The following TRNT1 variants were observed in gnomAD, a reference collection of about 807,000 sequenced individuals.
TRNT1 encodes the protein CCA tRNA nucleotidyltransferase 1, mitochondrial.
In TRNT1, 44 loss-of-function variants were observed where a neutral mutation model predicts 45.6. The ratio of observed to expected loss-of-function variants is 0.97; its 90% CI spans 0.76 to 1.24. The LOEUF is 1.24. Ranked by LOEUF, TRNT1 falls within the 50% of genes most tolerant of loss-of-function variation. The pLI, the probability that TRNT1 is intolerant of heterozygous loss-of-function variation, is 0.00. For missense variants in TRNT1, 633 were observed against 504.4 expected (o/e 1.25, Z -2.44); for synonymous variants, 201 against 171.4 (o/e 1.17, Z -1.35).
chr3:3,148,226 T>C lies in TRNT1; in HGVS notation c.*72T>C. The C allele has an allele frequency of 2.0e-6, 3 of 1,527,002 alleles. No homozygotes were observed. Among genetic ancestry groups the C allele is most frequent in the Non-Finnish European group, 2.7e-6 (3 of 1,128,476 alleles). 94.6% of individuals were successfully genotyped at this position (1,527,002 alleles called of 1,614,324 possible). On this transcript the variant is annotated 3_prime_UTR_variant, in exon 8 of 8. Coordinates refer to ENST00000251607, the MANE Select transcript of TRNT1 (RefSeq NM_182916.3). The stretch of plus-strand genomic sequence containing the variant: ...TTCTCCCCTCCCTCTTAATGAGGTT[T>C]TAGAGACTACACCAGAATAAAAGAC...
intron 4 of TRNT1, among the ~76,000 whole-genome samples, chr3:3,141,438 A>G (rs1442109745): frequency 3.3e-5 from 5 of 152,220 alleles, no homozygotes; most frequent in Non-Finnish European, 7.3e-5. Flanking sequence ...ACAATGGTGA[A>G]TGACTTCAGC....
chr3:3,148,883 A>T lies in TRNT1; in HGVS notation c.*729A>T, dbSNP rs1706255480. 1.3e-5 allele frequency: 2 copies of T among 152,146 alleles called. No individual in the cohort carries two copies. Among genetic ancestry groups the T allele is most frequent in the Non-Finnish European group, 2.9e-5 (2 of 68,000 alleles). 9.4% of individuals were successfully genotyped at this position (152,146 alleles called of 1,614,324 possible). ...GTTTATGTGGTATCTGACAATGTGT[A>T]TTAGGTGTCATATACAATGGTAATA... is the stretch of plus-strand genomic sequence containing the variant. On this transcript the variant is annotated 3_prime_UTR_variant, in exon 8 of 8. Coordinates refer to ENST00000251607, the MANE Select transcript of TRNT1 (RefSeq NM_182916.3).
intron 1 of TRNT1, among the ~76,000 whole-genome samples, chr3:3,128,804 C>T (rs1019824765): frequency 6.6e-6 from 1 of 151,972 alleles, no homozygotes; most frequent in South Asian, 2.1e-4. Flanking sequence ...TAGTGAGACC[C>T]CGCCTGCCAC....
chr3:3,153,285 G>C (rs549905148), downstream of TRNT1: 1 of 614,386 alleles, frequency 1.6e-6, no homozygotes, highest in African/African-American at 1.9e-5. Context: ...CTTAGCAAAA[G>C]TGAGCTAATT....
At position 3,140,578 on chromosome 3, in the gene TRNT1, G is replaced by A. The variant is rs1705583697; in HGVS notation, c.411G>A (p.Glu137=). ...TCACCACTGATGGAAGACATGCTGA[G>A]GTAGAATTTACAACTGACTGGCAGA... ...IDVTTDGRHA[E]VEFTTDWQKD... is the part of the protein sequence containing the mutation. The change falls in exon 4 of 8, where the codon GAG becomes GAA. Residue 137 remains glutamate, a synonymous_variant. Coordinates refer to ENST00000251607, the MANE Select transcript of TRNT1 (RefSeq NM_182916.3). 3 of 1,614,020 alleles carry A rather than the reference G, an allele frequency of 1.9e-6. No homozygotes were observed. In the South Asian group the frequency reaches 3.3e-5, roughly 18 times the overall value.
rs376974085 is a variant in TRNT1, at chr3:3,146,488, A to G, written c.667A>G (p.Ile223Val). 2.4e-5 allele frequency: 38 copies of G among 1,613,916 alleles called. No individual in the cohort carries two copies. In the African/African-American group the frequency reaches 3.7e-4, roughly 16 times the overall value. The change falls in exon 6 of 8, where the codon ATT becomes GTT. Residue 223 changes from isoleucine to valine, a missense_variant. By Grantham distance (29) the Ile-to-Val change is conservative. Coordinates refer to ENST00000251607, the MANE Select transcript of TRNT1 (RefSeq NM_182916.3). Reference protein sequence around the residue: ...GDHDPETLEAIAENAKGLAGI... With the variant: ...GDHDPETLEAVAENAKGLAGI... ...CCATGATCCTGAGACTTTGGAAGCA[A>G]TTGCAGAAAATGCAAAAGGCTTGGC...
chr3:3,147,566 A>G lies in TRNT1; in HGVS notation c.919A>G (p.Thr307Ala). ...ATTATTCAAAGTACAAGATGATGTC[A>G]CAAAATTGGATTTGAGGTTGAAGAT... ...ASLFKVQDDV[T>A]KLDLRLKIAK... The change falls in exon 7 of 8, where the codon ACA becomes GCA. Residue 307 changes from threonine (T) to alanine (A), a missense_variant. Transcript: ENST00000251607. 4 of 1,613,990 alleles carry G rather than the reference A, an allele frequency of 2.5e-6. No homozygotes were observed. Among genetic ancestry groups the G allele is most frequent in the Non-Finnish European group, 3.4e-6 (4 of 1,179,904 alleles).
At position 3,148,925 on chromosome 3, in the gene TRNT1, G is replaced by GTTATT. The variant is rs1249120912; in HGVS notation, c.*777_*781dup. On this transcript the variant is annotated 3_prime_UTR_variant, in exon 8 of 8. Transcript: ENST00000251607. ...ATGGTAATATGCCTGTCTTTAAAGT[G>GTTATT]TTATTTTATTAATTAAAAGGATATG... is the stretch of plus-strand genomic sequence containing the variant. The GTTATT allele has an allele frequency of 1.3e-5, 2 of 152,012 alleles. No individual in the cohort carries two copies. Among genetic ancestry groups the GTTATT allele is most frequent in the South Asian group, 4.2e-4 (2 of 4,818 alleles). 9.4% of individuals were successfully genotyped at this position (152,012 alleles called of 1,614,324 possible).
Position 3,148,066 on chromosome 3 carries a change from C to T in TRNT1, c.1217C>T (p.Ala406Val). 2 of 1,613,866 alleles carry T rather than the reference C, an allele frequency of 1.2e-6. No homozygotes were observed. The highest frequency in any genetic ancestry group is 1.7e-6 in the Non-Finnish European group (2 of 1,179,840). Reference protein sequence around the residue: ...VGISSGKEIGALLQQLREQWK... With the variant: ...VGISSGKEIGVLLQQLREQWK... ...ATTTCTTCAGGAAAAGAAATTGGGGCTCTATTACAACAGTTGCGAGAACAG... is the reference window on the plus strand; with the variant it reads ...ATTTCTTCAGGAAAAGAAATTGGGGTTCTATTACAACAGTTGCGAGAACAG... The change falls in exon 8 of 8, where the codon GCT becomes GTT. Residue 406 changes from alanine (A) to valine (V), a missense_variant. Ala to Val is a moderately conservative substitution (Grantham distance 64, BLOSUM62 0). Coordinates refer to ENST00000251607, the MANE Select transcript of TRNT1 (RefSeq NM_182916.3).
At chr3:3,136,976 A>G (rs907326944) in intron 2 of TRNT1, among the ~76,000 whole-genome samples, 2 of 152,178 alleles carry the variant, frequency 1.3e-5, no homozygotes, top group Admixed American at 6.5e-5. Context: ...TAATACTTCA[A>G]ATTTATATTG....
At chr3:3,133,869 C>T (rs979628992) in intron 2 of TRNT1, among the ~76,000 whole-genome samples, 1 of 152,042 alleles carries the variant, frequency 6.6e-6, no homozygotes, top group Admixed American at 6.5e-5. Context: ...CTGCCCCTTA[C>T]CCCACCCCAG....
chr3:3,135,242 G>A (rs1310508422), intron 2 of TRNT1, among the ~76,000 whole-genome samples: 6 of 152,102 alleles, frequency 3.9e-5, no homozygotes, highest in Non-Finnish European at 8.8e-5. Context: ...GCAAAATTAT[G>A]GAGGAAAACT....
At chr3:3,130,685 G>A (rs1261337136) in intron 2 of TRNT1, 1 of 151,950 alleles carries the variant, frequency 6.6e-6, no homozygotes, top group Non-Finnish European at 1.5e-5. Flanking sequence ...AATTATTTTT[G>A]GTTCATCTAA....
chr3:3,137,397 G>T lies in TRNT1; in HGVS notation c.286G>T (p.Ala96Ser). The change falls in exon 3 of 8, where the codon GCT becomes TCT. Residue 96 changes from alanine (A) to serine (S), a missense_variant. Ala to Ser is a moderately conservative substitution (Grantham distance 99). Transcript: ENST00000251607. ...PTQMKEMFQS[A>S]GIRMINNRGE... is the part of the protein sequence containing the mutation. ...TCAAATGAAGGAGATGTTTCAGTCG[G>T]CTGGGATTCGGATGATAAACAACAG... The T allele has an allele frequency of 6.8e-6, 11 of 1,613,736 alleles. No homozygotes were observed. Among genetic ancestry groups the T allele is most frequent in the Non-Finnish European group, 9.3e-6 (11 of 1,179,804 alleles).
chr3:3,147,686 CAA>C lies in TRNT1; in HGVS notation c.1040_1041del (p.Gln347ArgfsTer7). ...TAGTTCAGACCCATTGAAACCCTAT[CAA>C]GACTTCATTATAGATGTAAGTATAT... ...TDSSDPLKPYQDFIIDSREPD... is the reference protein window; with the variant it reads ...TDSSDPLKPYXDFIIDSREPD... On this transcript the variant is annotated frameshift_variant, in exon 7 of 8. Transcript: ENST00000251607. LOFTEE classifies it high-confidence loss of function. The C allele has an allele frequency of 6.2e-7, 1 of 1,612,186 alleles. No homozygotes were observed. The highest frequency in any genetic ancestry group is 8.5e-7 in the Non-Finnish European group (1 of 1,179,052).
chr3:3,140,689 A>G (rs756517293), intron 4 of TRNT1, 41 bp downstream of exon 4: 3 of 1,592,438 alleles, frequency 1.9e-6, no homozygotes, highest in Admixed American at 3.6e-5. Context: ...GTCTATCAGA[A>G]TGCCTTCTTT....
Position 3,129,105 on chromosome 3 carries a change from T to G in TRNT1, c.65T>G (p.Leu22Arg), listed in dbSNP as rs191706901. The change falls in exon 2 of 8, where the codon CTT becomes CGT. Residue 22 changes from leucine (L) to arginine (R), a missense_variant. Transcript: ENST00000251607. ...AACCGTAGGTGGAGTAGGCTGTGCCTTCCGAAGCAGTATCTATTCACAATG... is the reference window on the plus strand; with the variant it reads ...AACCGTAGGTGGAGTAGGCTGTGCCGTCCGAAGCAGTATCTATTCACAATG... Reference protein sequence around the residue: ...VLNRRWSRLCLPKQYLFTMKL... With the variant: ...VLNRRWSRLCRPKQYLFTMKL... The G allele has an allele frequency of 5.6e-6, 9 of 1,613,992 alleles. No individual in the cohort carries two copies. In the Admixed American group the frequency reaches 1.3e-4, roughly 24 times the overall value.
At chr3:3,132,731 G>GAAAAAAAAAAAAAAAAAAAAAA (rs369384116) in intron 2 of TRNT1, among the ~76,000 whole-genome samples, 1 of 88,976 alleles carries the variant, frequency 1.1e-5, no homozygotes, top group Non-Finnish European at 2.4e-5. Context: ...CCTATTGAAG[G>GAAAAAAAAAAAAAAAAAAAAAA]AAAAAAAAAA....
intron 4 of TRNT1, 89 bp from the exon 5 acceptor site, chr3:3,144,495 T>C: frequency 7.9e-7 from 1 of 1,268,380 alleles, no homozygotes; most frequent in Middle Eastern, 2.0e-4. Context: ...GAATTTTTAC[T>C]GTTTGTGATA....
Sources: gnomAD v4.1 joint callset for allele counts (sites outside exome capture counted in the v4.1 genomes callset) on GRCh38, gnomAD v4.1.1 for gene constraint, MANE v1.5 for transcripts, NCBI Gene and HGNC (gene_info 2026-07-23, HGNC 2026-07-21) for gene names.